The following RAP2A variants were observed in gnomAD, a reference collection of about 807,000 sequenced individuals.
RAP2A encodes RAP2A, member of RAS oncogene family.
A neutral mutation model predicts 15.1 loss-of-function variants in RAP2A; 5 were observed. The observed-to-expected ratio is 0.33, with a 90% CI of 0.17 to 0.70. The LOEUF (loss-of-function observed/expected upper bound fraction) is 0.70, where lower values mean the gene tolerates loss of function less well. Ranked by LOEUF, RAP2A falls within the 30% of genes least tolerant of loss-of-function variation. The pLI is 0.68. For synonymous variants in RAP2A, 110 were observed against 99.7 expected, an observed-to-expected ratio of 1.10 and a Z score of -0.62; for missense variants, 111 against 240.3, an observed-to-expected ratio of 0.46 and a Z score of 3.56.
chr13:97,458,255 C>A (rs2066732189), intron 1 of RAP2A, among the ~76,000 whole-genome samples: 1 of 152,070 alleles, frequency 6.6e-6, no homozygotes, highest in Admixed American at 6.6e-5. Context: ...TTTCCAAATT[C>A]AAAGAGAATT....
chr13:97,456,907 T>C lies in RAP2A; in HGVS notation c.315-7298T>C, dbSNP rs145884095. On this transcript the variant is annotated intron_variant, in intron 1 of 1. Transcript: ENST00000245304. ...GGTTGGAGGAAGAGGGCAGGTTTACTTAGCTCATGTTTTTCATCCTTACAA... is the reference window on the plus strand; with the variant it reads ...GGTTGGAGGAAGAGGGCAGGTTTACCTAGCTCATGTTTTTCATCCTTACAA... Among the ~76,000 whole-genome samples, 544 of 152,294 alleles carry C rather than the reference T, an allele frequency of 3.6e-3. 3 individuals are homozygous for C. Among genetic ancestry groups the C allele is most frequent in the Non-Finnish European group, 6.1e-3 (415 of 68,016 alleles).
intron 1 of RAP2A, among the ~76,000 whole-genome samples, chr13:97,439,808 TC>T: frequency 6.6e-6 from 1 of 152,272 alleles, no homozygotes; most frequent in African/African-American, 2.4e-5. Context: ...AGTGGAGACT[TC>T]CTATATTGCA....
intron 1 of RAP2A, among the ~76,000 whole-genome samples, chr13:97,439,165 G>A (rs935399829): frequency 1.1e-4 from 17 of 152,268 alleles, no homozygotes; most frequent in African/African-American, 3.9e-4. Context: ...AAGTGTGAGG[G>A]GAGGTAAGGT....
rs1009872665 is a variant in RAP2A at position 97,462,073 on chromosome 13, TTA to T, written c.315-2124_315-2123del. Among the ~76,000 whole-genome samples, 102 of 146,472 alleles carry T rather than the reference TTA, an allele frequency of 7.0e-4. 1 individual carries two copies. The highest frequency in any genetic ancestry group is 2.0e-3 in the African/African-American group (82 of 40,330). On this transcript the variant is annotated intron_variant, in intron 1 of 1. Coordinates refer to ENST00000245304, the MANE Select transcript of RAP2A (RefSeq NM_021033.7). ...ATATATTTATATATATATTTATATA[TTA>T]TATATATTGTATTTAAACATTCTTT...
intron 1 of RAP2A, among the ~76,000 whole-genome samples, chr13:97,435,523 A>G (rs2066630399): frequency 1.3e-5 from 2 of 150,732 alleles, no homozygotes. Context: ...CCTGGAAACA[A>G]AACAGAAGCT....
chr13:97,461,424 C>T (rs542382871), intron 1 of RAP2A, among the ~76,000 whole-genome samples: 2 of 152,248 alleles, frequency 1.3e-5, no homozygotes, highest in East Asian at 3.9e-4. Flanking sequence ...TAAACAGGTC[C>T]TCTGATACTG....
intron 1 of RAP2A, among the ~76,000 whole-genome samples, chr13:97,452,952 T>C (rs1490494981): frequency 6.6e-6 from 1 of 151,446 alleles, no homozygotes; most frequent in East Asian, 1.9e-4. Context: ...CTAATTCTAA[T>C]ATGTTTGAAT....
rs933018276 is a variant in RAP2A at position 97,468,642 on chromosome 13, A to G, written c.*4200A>G. ...GTTTTAGATTATAAGAATAATTTGA[A>G]TGAATATAACAGAGGCACTGTAGAT... On this transcript the variant is annotated 3_prime_UTR_variant, in exon 2 of 2. Coordinates refer to ENST00000245304, the MANE Select transcript of RAP2A (RefSeq NM_021033.7). 5.9e-5 allele frequency: 9 copies of G among 152,244 alleles called. No individual in the cohort carries two copies. The highest frequency in any genetic ancestry group is 1.3e-4 in the Non-Finnish European group (9 of 68,048). 9.4% of individuals were successfully genotyped at this position (152,244 alleles called of 1,614,324 possible).
At chr13:97,456,526 G>A (rs1057264803) in intron 1 of RAP2A, among the ~76,000 whole-genome samples, 1 of 152,130 alleles carries the variant, frequency 6.6e-6, no homozygotes, top group Non-Finnish European at 1.5e-5. Context: ...GCTGTGAGTT[G>A]CATCTCCATC....
chr13:97,461,486 C>A (rs1471335605), intron 1 of RAP2A, among the ~76,000 whole-genome samples: 1 of 152,142 alleles, frequency 6.6e-6, no homozygotes, highest in Admixed American at 6.5e-5. Context: ...ATATGTGGAA[C>A]TGTGTTTGCA....
In RAP2A at chr13:97,464,481, G is replaced by A; in HGVS notation, c.*39G>A. ...CTGTCCTGGATGGGATTTGCCCAATGTCGTAGGTGATAGAAAACTCGCCTA... is the reference window on the plus strand; with the variant it reads ...CTGTCCTGGATGGGATTTGCCCAATATCGTAGGTGATAGAAAACTCGCCTA... On this transcript the variant is annotated 3_prime_UTR_variant, in exon 2 of 2. Transcript: ENST00000245304. 1.3e-6 allele frequency: 2 copies of A among 1,590,928 alleles called. No homozygotes were observed. Among genetic ancestry groups the A allele is most frequent in the African/African-American group, 1.3e-5 (1 of 74,502 alleles).
intron 1 of RAP2A, among the ~76,000 whole-genome samples, chr13:97,436,841 G>A (rs111897448): frequency 2.0e-5 from 3 of 152,242 alleles, no homozygotes; most frequent in South Asian, 2.1e-4. Context: ...GAATTCAACC[G>A]TTGTATACAT....
chr13:97,444,341 A>G, intron 1 of RAP2A, among the ~76,000 whole-genome samples: 1 of 141,222 alleles, frequency 7.1e-6, no homozygotes, highest in African/African-American at 2.4e-5. Flanking sequence ...CAATCAGCAT[A>G]TTAGTATTTG....
In RAP2A at chr13:97,464,888, A is replaced by G. The variant is rs898968373; in HGVS notation, c.*446A>G. 6.3e-6 allele frequency: 1 copy of G among 159,286 alleles called. No individual in the cohort carries two copies. Among genetic ancestry groups the G allele is most frequent in the African/African-American group, 2.4e-5 (1 of 41,584 alleles). 9.9% of individuals were successfully genotyped at this position (159,286 alleles called of 1,614,324 possible). A position where few individuals can be genotyped will look rare whatever the true frequency, so the allele number is the denominator to read the frequency against. On this transcript the variant is annotated 3_prime_UTR_variant, in exon 2 of 2. Coordinates refer to ENST00000245304, the MANE Select transcript of RAP2A (RefSeq NM_021033.7). ...CCTACAAGAGTACTGAATTTCAGGA[A>G]ATGGGATAGAGCTTCTAACCAATGT... is the stretch of plus-strand genomic sequence containing the variant.
chr13:97,461,838 C>G (rs534280218), intron 1 of RAP2A, among the ~76,000 whole-genome samples: 7 of 151,382 alleles, frequency 4.6e-5, no homozygotes, highest in African/African-American at 1.7e-4. Flanking sequence ...TGGTGGGCGC[C>G]TGTAGTCCCA....
At chr13:97,453,800 CT>C (rs1390355065) in intron 1 of RAP2A, among the ~76,000 whole-genome samples, 2 of 150,762 alleles carry the variant, frequency 1.3e-5, no homozygotes, top group Admixed American at 6.6e-5. Context: ...AAGTAGTTGT[CT>C]AATTTTACAT....
Position 97,464,535 on chromosome 13 carries a change from G to T in RAP2A, c.*93G>T. On this transcript the variant is annotated 3_prime_UTR_variant, in exon 2 of 2. Coordinates refer to ENST00000245304, the MANE Select transcript of RAP2A (RefSeq NM_021033.7). Reference sequence around the variant, plus strand: ...CACTGCAGAACTTGCAGAATGCGTGGTGTTAATCTACAGAGAACTGCAGCC... The same window carrying T: ...CACTGCAGAACTTGCAGAATGCGTGTTGTTAATCTACAGAGAACTGCAGCC... The T allele has an allele frequency of 8.6e-7, 1 of 1,161,654 alleles. No homozygotes were observed. 72.0% of individuals were successfully genotyped at this position (1,161,654 alleles called of 1,614,324 possible). A position where few individuals can be genotyped will look rare whatever the true frequency, so the allele number is the denominator to read the frequency against.
chr13:97,452,192 T>C (rs1364382169), intron 1 of RAP2A, among the ~76,000 whole-genome samples: 1 of 151,270 alleles, frequency 6.6e-6, no homozygotes, highest in East Asian at 1.9e-4. Context: ...CTGTTTAATA[T>C]ATCTTTTTCT....
At chr13:97,445,953 T>G (rs1238980386) in intron 1 of RAP2A, among the ~76,000 whole-genome samples, 2 of 152,234 alleles carry the variant, frequency 1.3e-5, no homozygotes, top group African/African-American at 4.8e-5. Flanking sequence ...CTTGTACATT[T>G]ATGGAGGGAA....
Sources: gnomAD v4.1 joint callset for allele counts (sites outside exome capture counted in the v4.1 genomes callset) on GRCh38, gnomAD v4.1.1 for gene constraint, MANE v1.5 for transcripts, NCBI Gene and HGNC (gene_info 2026-07-23, HGNC 2026-07-21) for gene names.